NELL2: variants seen among roughly 807,000 people sequenced by gnomAD.
The protein encoded by NELL2 is protein kinase C-binding protein NELL2.
In NELL2, 41 loss-of-function variants were observed where a neutral mutation model predicts 109.6. The ratio of observed to expected loss-of-function variants is 0.37; its 90% confidence interval spans 0.29 to 0.49. The LOEUF (loss-of-function observed/expected upper bound fraction) is 0.49. Ranked by LOEUF, NELL2 falls within the 20% of genes least tolerant of loss-of-function variation. The pLI is 0.98. For synonymous variants in NELL2, 355 were observed against 344.7 expected (o/e 1.03, Z -0.33); for missense variants, 900 against 1,008.3 (o/e 0.89, Z 1.45).
At chr12:44,570,336 G>T (rs1020847584) in intron 15 of NELL2, among the ~76,000 whole-genome samples, 4 of 152,096 alleles carry the variant, frequency 2.6e-5, no homozygotes, top group Non-Finnish European at 5.9e-5. Context: ...TCCAGTGACT[G>T]CTCCACCATG....
At chr12:44,694,114 T>G (rs1243332414) in intron 12 of NELL2, among the ~76,000 whole-genome samples, 3 of 152,190 alleles carry the variant, frequency 2.0e-5, no homozygotes, top group Non-Finnish European at 4.4e-5. Context: ...AACCAGACAT[T>G]TGGTAAAGCA....
chr12:44,865,056 G>A (rs1470315717), intron 2 of NELL2, among the ~76,000 whole-genome samples: 1 of 134,560 alleles, frequency 7.4e-6, no homozygotes, highest in East Asian at 2.1e-4. Context: ...TTTAATGATT[G>A]CCATTCTAAC....
intron 9 of NELL2, among the ~76,000 whole-genome samples, chr12:44,730,741 T>C (rs765016427): frequency 3.3e-5 from 5 of 151,032 alleles, no homozygotes; most frequent in Admixed American, 6.6e-5. Flanking sequence ...CAAACTAATT[T>C]CAAAGTTAAC....
At chr12:44,543,753 T>G (rs911261625) in intron 15 of NELL2, among the ~76,000 whole-genome samples, 5 of 152,168 alleles carry the variant, frequency 3.3e-5, no homozygotes, top group African/African-American at 1.2e-4. Context: ...AGCTCTGGTT[T>G]CTCTACCAAT....
chr12:44,683,746 A>T (rs1156430628), intron 12 of NELL2, among the ~76,000 whole-genome samples: 10 of 152,238 alleles, frequency 6.6e-5, no homozygotes, highest in Admixed American at 6.5e-4. Context: ...ATGTTGAAAC[A>T]GCCTTGCATC....
chr12:44,669,003 AC>A, intron 12 of NELL2, among the ~76,000 whole-genome samples: 1 of 152,176 alleles, frequency 6.6e-6, no homozygotes, highest in East Asian at 1.9e-4. Flanking sequence ...GACTAGCCAC[AC>A]CCAGCCCACC....
At chr12:44,759,223 C>G (rs945536852) in intron 9 of NELL2, among the ~76,000 whole-genome samples, 1 of 152,192 alleles carries the variant, frequency 6.6e-6, no homozygotes, top group Non-Finnish European at 1.5e-5. Flanking sequence ...TATTAAAAAA[C>G]TGTAGAAAAG....
chr12:44,737,562 T>C (rs1939716457), intron 9 of NELL2, among the ~76,000 whole-genome samples: 1 of 152,148 alleles, frequency 6.6e-6, no homozygotes, highest in Non-Finnish European at 1.5e-5. Context: ...ATACTTCTTA[T>C]TGCTCTGTAA....
chr12:44,521,090 C>G (rs568464204), intron 18 of NELL2, among the ~76,000 whole-genome samples: 24 of 152,294 alleles, frequency 1.6e-4, no homozygotes, highest in Non-Finnish European at 3.1e-4. Flanking sequence ...ATTTACACCA[C>G]TAGAAACAAG....
intron 13 of NELL2, among the ~76,000 whole-genome samples, chr12:44,660,449 G>A (rs1346745510): frequency 1.3e-5 from 2 of 152,170 alleles, no homozygotes; most frequent in South Asian, 4.1e-4. Flanking sequence ...CAGATAGCTA[G>A]CCTAATAATA....
chr12:44,800,577 G>A (rs533624165), intron 3 of NELL2, among the ~76,000 whole-genome samples: 2 of 152,154 alleles, frequency 1.3e-5, no homozygotes, highest in East Asian at 1.9e-4. Flanking sequence ...ATACTTTTAC[G>A]GATATGTCCA....
intron 16 of NELL2, among the ~76,000 whole-genome samples, chr12:44,526,095 G>C (rs1436990243): frequency 6.6e-6 from 1 of 152,014 alleles, no homozygotes; most frequent in Non-Finnish European, 1.5e-5. Flanking sequence ...GTCATGTTAA[G>C]AAATTTGAAC....
At chr12:44,712,475 A>C (rs1938256858) in intron 10 of NELL2, among the ~76,000 whole-genome samples, 1 of 151,978 alleles carries the variant, frequency 6.6e-6, no homozygotes, top group Non-Finnish European at 1.5e-5. Flanking sequence ...TTACTATGAA[A>C]GTCACAGACC....
intron 19 of NELL2, among the ~76,000 whole-genome samples, chr12:44,512,286 T>G (rs1452990160): frequency 2.6e-5 from 4 of 152,154 alleles, no homozygotes; most frequent in African/African-American, 9.7e-5. Flanking sequence ...AGCTATCATC[T>G]CACTCCAGTT....
At chr12:44,802,422 C>A (rs915654807) in intron 3 of NELL2, among the ~76,000 whole-genome samples, 1 of 151,836 alleles carries the variant, frequency 6.6e-6, no homozygotes, top group Non-Finnish European at 1.5e-5. Context: ...TGCCTTTTAG[C>A]AAAATATACC....
intron 15 of NELL2, among the ~76,000 whole-genome samples, chr12:44,536,584 G>A (rs1215397491): frequency 6.6e-6 from 1 of 151,850 alleles, no homozygotes; most frequent in Non-Finnish European, 1.5e-5. Flanking sequence ...CTAAATAAAA[G>A]TATTCAAAAA....
intron 15 of NELL2, among the ~76,000 whole-genome samples, chr12:44,589,411 T>TATTTATTTATTC (rs1555181517): frequency 6.6e-6 from 1 of 150,450 alleles, no homozygotes; most frequent in East Asian, 1.9e-4. Context: ...TTTATTTATT[T>TATTTATTTATTC]GAGATGGAGT....
intron 9 of NELL2, among the ~76,000 whole-genome samples, chr12:44,732,539 G>A (rs966734212): frequency 6.6e-6 from 1 of 151,738 alleles, no homozygotes; most frequent in Non-Finnish European, 1.5e-5. Context: ...CTTACACCAT[G>A]CACAAAAATC....
At chr12:44,859,683 A>G (rs1459006684) in intron 2 of NELL2, among the ~76,000 whole-genome samples, 1 of 152,256 alleles carries the variant, frequency 6.6e-6, no homozygotes, top group Non-Finnish European at 1.5e-5. Flanking sequence ...TGCCTACAAG[A>G]ATGGGATCCA....
Sources: allele counts gnomAD v4.1 joint callset (sites outside exome capture counted in the v4.1 genomes callset), GRCh38; gene constraint gnomAD v4.1.1; transcripts MANE v1.5; gene names NCBI Gene and HGNC (gene_info 2026-07-23, HGNC 2026-07-21).